Variants in CHST8 observed in about 807,000 individuals in gnomAD.
CHST8 encodes the protein carbohydrate sulfotransferase 8.
CHST8 carries 10 observed loss-of-function variants against 15.0 expected under a neutral mutation model. The ratio of observed to expected loss-of-function variants is 0.67; its 90% CI spans 0.41 to 1.13. The LOEUF (loss-of-function observed/expected upper bound fraction) is 1.13. CHST8 is among the 50% of genes most tolerant of loss of function. The pLI is 0.00. For missense variants in CHST8, 634 were observed against 608.2 expected, an observed-to-expected ratio of 1.04 and a Z score of -0.45; for synonymous variants, 259 against 256.6, an observed-to-expected ratio of 1.01 and a Z score of -0.09.
chr19:33,695,133 G>T (rs1973186589), intron 3 of CHST8, among the ~76,000 whole-genome samples: 1 of 151,976 alleles, frequency 6.6e-6, no homozygotes, highest in Non-Finnish European at 1.5e-5. Context: ...TTTTTATACA[G>T]ACAGGATCTT....
At chr19:33,672,670 G>A (rs1487607556) in intron 2 of CHST8, among the ~76,000 whole-genome samples, 1 of 152,204 alleles carries the variant, frequency 6.6e-6, no homozygotes, top group Non-Finnish European at 1.5e-5. Context: ...CAGAGGAGCT[G>A]ACTGTCAAAG....
At chr19:33,702,261 T>C (rs1973354090) in intron 3 of CHST8, among the ~76,000 whole-genome samples, 3 of 152,120 alleles carry the variant, frequency 2.0e-5, no homozygotes. Context: ...GCTGGGATTA[T>C]AGGCGTGAGC....
At chr19:33,649,616 G>T (rs1286694803) in intron 1 of CHST8, among the ~76,000 whole-genome samples, 1 of 152,108 alleles carries the variant, frequency 6.6e-6, no homozygotes, top group Admixed American at 6.5e-5. Context: ...CGTTACATGC[G>T]TCCCATGTTT....
intron 3 of CHST8, among the ~76,000 whole-genome samples, chr19:33,714,486 G>A (rs1973624261): frequency 1.3e-5 from 2 of 152,092 alleles, no homozygotes; most frequent in Admixed American, 1.3e-4. Context: ...AGACATTGGA[G>A]ACTCAAAGGT....
chr19:33,759,087 G>A (rs1369031515), intron 3 of CHST8, among the ~76,000 whole-genome samples: 1 of 152,168 alleles, frequency 6.6e-6, no homozygotes, highest in Non-Finnish European at 1.5e-5. Flanking sequence ...TACAGGGATG[G>A]CACCAAGCCA....
rs1425286520 is a variant in CHST8 at position 33,757,543 on chromosome 19, A to G, written c.131-13870A>G. Among the ~76,000 whole-genome samples the G allele has an allele frequency of 2.7e-4, 28 of 104,986 alleles. 1 individual carries two copies. Among genetic ancestry groups the G allele is most frequent in the Non-Finnish European group, 4.5e-4 (23 of 50,686 alleles). 68.9% of individuals were successfully genotyped at this position (104,986 alleles called of 152,430 possible). ...GAAAGAGAAAGAAAGAAAGAAAGAA[A>G]GAAAGAAAGAAAGAAAGAAAGAAAG... On this transcript the variant is annotated intron_variant, in intron 3 of 4. Transcript: ENST00000650847.
chr19:33,757,462 GAAAGAAA>G, intron 3 of CHST8, among the ~76,000 whole-genome samples: 1 of 38,142 alleles, frequency 2.6e-5, no homozygotes, highest in South Asian at 8.6e-4. Flanking sequence ...AAGAAAGAAA[GAAAGAAA>G]GAAAGAAAGA....
chr19:33,738,183 C>T (rs926234922), intron 3 of CHST8, among the ~76,000 whole-genome samples: 32 of 152,206 alleles, frequency 2.1e-4, no homozygotes, highest in Admixed American at 5.2e-4. Flanking sequence ...CGTTCACTAT[C>T]GGCCTCTGTG....
chr19:33,713,723 G>A (rs955404544), intron 3 of CHST8, among the ~76,000 whole-genome samples: 3 of 152,088 alleles, frequency 2.0e-5, no homozygotes, highest in Non-Finnish European at 4.4e-5. Context: ...ACCACGCCCG[G>A]CTAATTTTTG....
At chr19:33,637,395 G>T (rs1405530299) in intron 1 of CHST8, among the ~76,000 whole-genome samples, 1 of 135,858 alleles carries the variant, frequency 7.4e-6, no homozygotes, top group Non-Finnish European at 1.5e-5. Context: ...CTAAAGAAAG[G>T]TTCGCTTTCT....
intron 1 of CHST8, among the ~76,000 whole-genome samples, chr19:33,666,467 C>T (rs977688186): frequency 2.0e-5 from 3 of 152,156 alleles, no homozygotes; most frequent in Admixed American, 1.3e-4. Context: ...AATGGGGTTA[C>T]GCGGAGACCA....
At chr19:33,629,432 G>A (rs1972095882) in intron 1 of CHST8, among the ~76,000 whole-genome samples, 1 of 152,240 alleles carries the variant, frequency 6.6e-6, no homozygotes, top group Admixed American at 6.5e-5. Context: ...TCTACCTGTT[G>A]CACCCTCTGG....
intron 2 of CHST8, among the ~76,000 whole-genome samples, chr19:33,677,470 A>T (rs1378683810): frequency 2.0e-5 from 3 of 152,172 alleles, no homozygotes; most frequent in African/African-American, 7.2e-5. Flanking sequence ...GCAGAGCCAT[A>T]TGGAAAGATG....
chr19:33,736,005 C>A (rs1974075826), intron 3 of CHST8, among the ~76,000 whole-genome samples: 1 of 152,208 alleles, frequency 6.6e-6, no homozygotes, highest in African/African-American at 2.4e-5. Flanking sequence ...GCTGCAGGGC[C>A]AGGGATGGCT....
chr19:33,660,854 A>G (rs60551562), intron 1 of CHST8, among the ~76,000 whole-genome samples: 5,002 of 152,314 alleles, frequency 0.033, 222 homozygotes, highest in African/African-American at 0.1. Context: ...GTACTGTTCA[A>G]TAAGATTGCT....
At chr19:33,649,672 A>G (rs1156545518) in intron 1 of CHST8, among the ~76,000 whole-genome samples, 1 of 152,208 alleles carries the variant, frequency 6.6e-6, no homozygotes, top group Admixed American at 6.5e-5. Flanking sequence ...AATGCATTAC[A>G]GTTAAACCCT....
chr19:33,661,660 TC>T (rs1331731637), intron 1 of CHST8, among the ~76,000 whole-genome samples: 1 of 152,154 alleles, frequency 6.6e-6, no homozygotes, highest in East Asian at 1.9e-4. Flanking sequence ...GGACCCTTGC[TC>T]CTTTGGCTCC....
At chr19:33,727,299 A>G (rs1276198044) in intron 3 of CHST8, among the ~76,000 whole-genome samples, 2 of 152,054 alleles carry the variant, frequency 1.3e-5, no homozygotes, top group Non-Finnish European at 2.9e-5. Context: ...CAGGACCACA[A>G]CTTGTGCCGA....
At chr19:33,741,753 G>A (rs1042585927) in intron 3 of CHST8, among the ~76,000 whole-genome samples, 2 of 151,972 alleles carry the variant, frequency 1.3e-5, no homozygotes, top group African/African-American at 2.4e-5. Context: ...AGACCCCCAG[G>A]AAGTAATATT....
Sources: allele counts gnomAD v4.1 joint callset (sites outside exome capture counted in the v4.1 genomes callset), GRCh38; gene constraint gnomAD v4.1.1; transcripts MANE v1.5; gene names NCBI Gene and HGNC (gene_info 2026-07-23, HGNC 2026-07-21).